The following CAMK4 variants were observed in gnomAD, a reference collection of about 807,000 sequenced individuals.
CAMK4 encodes the protein calcium/calmodulin-dependent protein kinase type IV.
CAMK4 carries 22 observed loss-of-function variants against 44.9 expected under a neutral mutation model. That is an observed-to-expected ratio of 0.49 (90% CI 0.35 to 0.70). The LOEUF (loss-of-function observed/expected upper bound fraction) is 0.70. Ranked by LOEUF, CAMK4 falls within the 30% of genes least tolerant of loss-of-function variation. CAMK4 has a pLI of 0.01. For missense variants in CAMK4, 498 were observed against 586.8 expected, an observed-to-expected ratio of 0.85 and a Z score of 1.56; for synonymous variants, 218 against 215.4, an observed-to-expected ratio of 1.01 and a Z score of -0.11.
chr5:111,380,514 C>A (rs1270907814), intron 4 of CAMK4, among the ~76,000 whole-genome samples: 1 of 152,120 alleles, frequency 6.6e-6, no homozygotes, highest in Non-Finnish European at 1.5e-5. Flanking sequence ...TCCATTCTCC[C>A]AATTTCCACC....
At chr5:111,483,538 T>C (rs920720083) in intron 10 of CAMK4, among the ~76,000 whole-genome samples, 1 of 152,178 alleles carries the variant, frequency 6.6e-6, no homozygotes, top group African/African-American at 2.4e-5. Context: ...TTGCTTACGG[T>C]CTGATACAGA....
At position 111,485,169 on chromosome 5, in the gene CAMK4, G is replaced by A. The variant is rs954056111; in HGVS notation, c.*703G>A. On this transcript the variant is annotated 3_prime_UTR_variant, in exon 11 of 11. Coordinates refer to ENST00000282356, the MANE Select transcript of CAMK4 (RefSeq NM_001744.6). ...TGGAGGAAGTAATTTACAAACTCAC[G>A]CTGAGTTCCATTCTTTCCTTCACCT... 6 of 152,060 alleles carry A rather than the reference G, an allele frequency of 3.9e-5. No homozygotes were observed. Among genetic ancestry groups the A allele is most frequent in the South Asian group, 4.1e-4 (2 of 4,832 alleles). 9.4% of individuals were successfully genotyped at this position (152,060 alleles called of 1,614,324 possible). A position where few individuals can be genotyped will look rare whatever the true frequency, so the allele number is the denominator to read the frequency against.
At chr5:111,407,151 A>T (rs1285009339) in intron 5 of CAMK4, among the ~76,000 whole-genome samples, 16 of 152,070 alleles carry the variant, frequency 1.1e-4, no homozygotes, top group Non-Finnish European at 8.8e-5. Flanking sequence ...CAGGAGTTCG[A>T]AACCAGCCTG....
At chr5:111,310,127 G>T (rs756404066) in intron 1 of CAMK4, among the ~76,000 whole-genome samples, 2 of 151,824 alleles carry the variant, frequency 1.3e-5, no homozygotes, top group African/African-American at 2.4e-5. Flanking sequence ...CCTCGTTTTG[G>T]GGGTAGAGTT....
intron 1 of CAMK4, among the ~76,000 whole-genome samples, chr5:111,225,375 A>G (rs890287650): frequency 1.1e-4 from 17 of 152,212 alleles, no homozygotes; most frequent in African/African-American, 3.4e-4. Flanking sequence ...TGAAGATCCA[A>G]ACAGGTAGCA....
intron 8 of CAMK4, among the ~76,000 whole-genome samples, chr5:111,476,432 C>T (rs1428411880): frequency 6.6e-6 from 1 of 151,968 alleles, no homozygotes; most frequent in Non-Finnish European, 1.5e-5. Flanking sequence ...CACGTGCCAC[C>T]ATGCCCAGCT....
At chr5:111,426,467 C>T (rs958579746) in intron 5 of CAMK4, among the ~76,000 whole-genome samples, 4 of 152,030 alleles carry the variant, frequency 2.6e-5, no homozygotes, top group Non-Finnish European at 4.4e-5. Flanking sequence ...GATGGTGCAC[C>T]GATCATCTCC....
chr5:111,404,224 A>C lies in CAMK4; in HGVS notation c.459+9442A>C, dbSNP rs989539120. Among the ~76,000 whole-genome samples the C allele has an allele frequency of 1.1e-4, 16 of 152,342 alleles. 1 individual carries two copies. In the East Asian group the frequency reaches 1.4e-3, roughly 13 times the overall value. On this transcript the variant is annotated intron_variant, in intron 5 of 10. Coordinates refer to ENST00000282356, the MANE Select transcript of CAMK4 (RefSeq NM_001744.6). ...CAAACATGCATGTTACATGTGACCC[A>C]TGTTCACTTTGGGATGGAGACTTAA...
chr5:111,225,755 C>G (rs144445204), intron 1 of CAMK4, among the ~76,000 whole-genome samples: 148 of 152,306 alleles, frequency 9.7e-4, no homozygotes, highest in Admixed American at 1.4e-3. Context: ...ACTCTCCCCC[C>G]ACTTTGCTAG....
chr5:111,435,349 A>C (rs1470938306), intron 5 of CAMK4, among the ~76,000 whole-genome samples: 2 of 152,094 alleles, frequency 1.3e-5, no homozygotes, highest in Non-Finnish European at 2.9e-5. Flanking sequence ...TCTCCAGTAC[A>C]TTCCAAATAT....
intron 9 of CAMK4, among the ~76,000 whole-genome samples, chr5:111,481,397 T>C (rs1755428572): frequency 6.6e-6 from 1 of 152,176 alleles, no homozygotes; most frequent in African/African-American, 2.4e-5. Context: ...CCTACCTTCC[T>C]CCATGTCCTC....
intron 7 of CAMK4, among the ~76,000 whole-genome samples, chr5:111,462,165 C>A (rs987536972): frequency 4.0e-4 from 61 of 152,306 alleles, no homozygotes; most frequent in African/African-American, 1.3e-3. Flanking sequence ...AGTCTATTCT[C>A]TTTTCCTTCA....
intron 7 of CAMK4, among the ~76,000 whole-genome samples, chr5:111,454,645 G>GAAAAAAAA (rs1352792387): frequency 2.9e-5 from 1 of 34,692 alleles, no homozygotes. Context: ...AGGTCACACA[G>GAAAAAAAA]ACAAAAAAAA....
At chr5:111,464,030 G>A (rs528106539) in intron 7 of CAMK4, among the ~76,000 whole-genome samples, 7 of 151,852 alleles carry the variant, frequency 4.6e-5, no homozygotes, top group South Asian at 4.2e-4. Flanking sequence ...TCAGCAGGTC[G>A]GTCATTAAGC....
chr5:111,398,908 A>G (rs1452459350), intron 5 of CAMK4, among the ~76,000 whole-genome samples: 2 of 152,032 alleles, frequency 1.3e-5, no homozygotes, highest in African/African-American at 2.4e-5. Flanking sequence ...AAATTTGACA[A>G]TTTTTCTTCA....
At chr5:111,328,864 A>G (rs1323129622) in intron 1 of CAMK4, among the ~76,000 whole-genome samples, 1 of 152,040 alleles carries the variant, frequency 6.6e-6, no homozygotes, top group Non-Finnish European at 1.5e-5. Context: ...TTGATTTTGT[A>G]TCCTGAGACT....
chr5:111,308,302 C>T (rs1170621248), intron 1 of CAMK4, among the ~76,000 whole-genome samples: 1 of 151,380 alleles, frequency 6.6e-6, no homozygotes, highest in South Asian at 2.1e-4. Flanking sequence ...TTTTAAAATG[C>T]ACTTTATTAA....
chr5:111,369,066 AT>A (rs1325310229), intron 2 of CAMK4, among the ~76,000 whole-genome samples: 3 of 145,408 alleles, frequency 2.1e-5, no homozygotes, highest in East Asian at 2.0e-4. Context: ...AATAATAATA[AT>A]TATTATTATT....
chr5:111,272,761 A>G (rs962031875), intron 1 of CAMK4, among the ~76,000 whole-genome samples: 3 of 152,152 alleles, frequency 2.0e-5, no homozygotes, highest in African/African-American at 4.8e-5. Context: ...GGGAGCACCA[A>G]TATTTCTGCA....
Sources: gnomAD v4.1 joint callset for allele counts (sites outside exome capture counted in the v4.1 genomes callset) on GRCh38, gnomAD v4.1.1 for gene constraint, MANE v1.5 for transcripts, NCBI Gene and HGNC (gene_info 2026-07-23, HGNC 2026-07-21) for gene names.